The following EREG variants were observed in gnomAD, a reference collection of about 807,000 sequenced individuals.
EREG encodes the protein proepiregulin.
A neutral mutation model predicts 22.4 loss-of-function variants in EREG; 23 were observed. The observed-to-expected ratio is 1.03, with a 90% CI of 0.74 to 1.46. The LOEUF (loss-of-function observed/expected upper bound fraction) is 1.46. Ranked by LOEUF, EREG falls within the 40% of genes most tolerant of loss-of-function variation. The pLI is 0.00. For missense variants in EREG, 226 were observed against 205.9 expected, an observed-to-expected ratio of 1.10 and a Z score of -0.60; for synonymous variants, 100 against 75.4, an observed-to-expected ratio of 1.33 and a Z score of -1.69.
intron 1 of EREG, among the ~76,000 whole-genome samples, chr4:74,374,607 A>G (rs568786601): frequency 6.6e-6 from 1 of 152,336 alleles, no homozygotes; most frequent in South Asian, 2.1e-4. Context: ...TACATTTTCT[A>G]CATCTGGCAT....
At position 74,384,781 on chromosome 4, in the gene EREG, A is replaced by G. The variant is rs1433470683; in HGVS notation, c.483A>G (p.Ser161=). 4 of 1,613,246 alleles carry G rather than the reference A, an allele frequency of 2.5e-6. No individual in the cohort carries two copies. Among genetic ancestry groups the G allele is most frequent in the Non-Finnish European group, 3.4e-6 (4 of 1,179,270 alleles). The change falls in exon 5 of 5, where the codon TCA becomes TCG. Residue 161 remains serine, a synonymous_variant. Transcript: ENST00000244869. Reference sequence around the variant, plus strand: ...AGAAGGAATATGAGAGAGTTACCTCAGGGGATCCAGAGTTGCCGCAAGTCT... The same window carrying G: ...AGAAGGAATATGAGAGAGTTACCTCGGGGGATCCAGAGTTGCCGCAAGTCT... ...EPKKEYERVT[S]GDPELPQV
rs9994632 is a variant in EREG, at chr4:74,366,948, C to T, written c.67+1573C>T. ...TCAAGTTCTGTATTATATCTCTAAA[C>T]TCTATTCAGTTATGCAGAGCCCATA... On this transcript the variant is annotated intron_variant, in intron 1 of 4. Coordinates refer to ENST00000244869, the MANE Select transcript of EREG (RefSeq NM_001432.3). Among the ~76,000 whole-genome samples, 721 of 152,308 alleles carry T rather than the reference C, an allele frequency of 4.7e-3. 2 individuals carry two copies. Among genetic ancestry groups the T allele is most frequent in the African/African-American group, 0.016 (657 of 41,574 alleles).
chr4:74,378,884 C>A (rs948144262), intron 1 of EREG, among the ~76,000 whole-genome samples: 1 of 152,160 alleles, frequency 6.6e-6, no homozygotes, highest in Non-Finnish European at 1.5e-5. Flanking sequence ...GATGCCTGTT[C>A]CTCCTCATAT....
intron 1 of EREG, among the ~76,000 whole-genome samples, chr4:74,365,646 T>A (rs1158089852): frequency 6.9e-6 from 1 of 144,024 alleles, no homozygotes. Context: ...TTAAACAAAA[T>A]AAAAAGTTGT....
At chr4:74,372,594 T>A (rs372162762) in intron 1 of EREG, among the ~76,000 whole-genome samples, 1 of 152,110 alleles carries the variant, frequency 6.6e-6, no homozygotes, top group Admixed American at 6.5e-5. Context: ...TTTATAGAAG[T>A]GAGAAGCCCG....
chr4:74,368,087 T>A (rs1490489513), intron 1 of EREG, among the ~76,000 whole-genome samples: 1 of 152,114 alleles, frequency 6.6e-6, no homozygotes, highest in Non-Finnish European at 1.5e-5. Flanking sequence ...AAAGAGCCAA[T>A]GAGATTCAGG....
intron 4 of EREG, among the ~76,000 whole-genome samples, chr4:74,384,161 T>A (rs2110390179): frequency 6.6e-6 from 1 of 152,316 alleles, no homozygotes; most frequent in Non-Finnish European, 1.5e-5. Context: ...GCACATTATA[T>A]ACAACCCATT....
At chr4:74,382,012 A>AATTGATTC (rs1752485613) in intron 3 of EREG, 2 of 149,332 alleles carry the variant, frequency 1.3e-5, no homozygotes, top group Non-Finnish European at 2.9e-5. Context: ...AAAAAAAAAG[A>AATTGATTC]ATTGATTCCA....
At position 74,371,673 on chromosome 4, in the gene EREG, AT is replaced by A; in HGVS notation, c.67+6299del. On this transcript the variant is annotated intron_variant, in intron 1 of 4. Transcript: ENST00000244869. ...ATGACTTTCAAATAGACTTCTCCTA[AT>A]CTCCAAATAAATTCTTATTCCTTTA... Among the ~76,000 whole-genome samples, 5 of 152,204 alleles carry A rather than the reference AT, an allele frequency of 3.3e-5. No homozygotes were observed. In the South Asian group the frequency reaches 1.0e-3, roughly 32 times the overall value.
At chr4:74,383,187 G>A (rs577631238) in intron 4 of EREG, among the ~76,000 whole-genome samples, 3 of 151,968 alleles carry the variant, frequency 2.0e-5, no homozygotes, top group Non-Finnish European at 4.4e-5. Context: ...TATCAAATAT[G>A]GACAGAAATT....
At chr4:74,378,177 C>T (rs1356073222) in intron 1 of EREG, among the ~76,000 whole-genome samples, 2 of 152,154 alleles carry the variant, frequency 1.3e-5, no homozygotes, top group Non-Finnish European at 2.9e-5. Flanking sequence ...TCTGGCATGC[C>T]TATTCCTTCT....
chr4:74,373,535 A>G (rs540572454), intron 1 of EREG, among the ~76,000 whole-genome samples: 2 of 151,128 alleles, frequency 1.3e-5, no homozygotes, highest in Non-Finnish European at 3.0e-5. Context: ...CAAAGCTAAC[A>G]TTAAAAATAT....
intron 1 of EREG, among the ~76,000 whole-genome samples, chr4:74,379,017 G>A (rs1486207722): frequency 6.6e-6 from 1 of 152,168 alleles, no homozygotes; most frequent in African/African-American, 2.4e-5. Context: ...TTCTTAGGTT[G>A]AGTTTCTTGT....
intron 1 of EREG, among the ~76,000 whole-genome samples, chr4:74,374,354 G>T (rs150355519): frequency 1.7e-4 from 26 of 152,122 alleles, no homozygotes; most frequent in African/African-American, 6.3e-4. Context: ...CCTCCTTCTG[G>T]ATGAGCCCTC....
chr4:74,376,548 A>T (rs541790223), intron 1 of EREG, among the ~76,000 whole-genome samples: 3 of 152,362 alleles, frequency 2.0e-5, no homozygotes, highest in African/African-American at 7.2e-5. Flanking sequence ...AAGCTTAGTG[A>T]AATAGTTTTC....
chr4:74,385,929 T>C lies in EREG; in HGVS notation c.*1121T>C. 2.5e-6 allele frequency: 1 copy of C among 394,654 alleles called. No individual in the cohort carries two copies. Among genetic ancestry groups the C allele is most frequent in the Non-Finnish European group, 4.5e-6 (1 of 223,422 alleles). The allele number at this position is 394,654 out of a possible 1,614,324, so 24.4% of individuals were successfully genotyped here. A position where few individuals can be genotyped will look rare whatever the true frequency, so the allele number is the denominator to read the frequency against. On this transcript the variant is annotated 3_prime_UTR_variant, in exon 5 of 5. Coordinates refer to ENST00000244869, the MANE Select transcript of EREG (RefSeq NM_001432.3). The stretch of plus-strand genomic sequence containing the variant: ...AGGAAATGGGAAAAAACTTAAAAAT[T>C]AATATGGTGTATTTTTCCAAATGAA...
chr4:74,370,010 T>A (rs1303800111), intron 1 of EREG, among the ~76,000 whole-genome samples: 2 of 152,220 alleles, frequency 1.3e-5, no homozygotes, highest in East Asian at 3.8e-4. Flanking sequence ...GTTGTTATTG[T>A]TCCCGTTTTA....
In EREG at chr4:74,365,302, A is replaced by C; in HGVS notation, c.-7A>C. Reference sequence around the variant, plus strand: ...CCGCCAAGCCCCAGCGCCCGCTCCCATCGCCGATGACCGCGGGGAGGAGGA... The same window carrying C: ...CCGCCAAGCCCCAGCGCCCGCTCCCCTCGCCGATGACCGCGGGGAGGAGGA... On this transcript the variant is annotated 5_prime_UTR_variant, in exon 1 of 5. Transcript: ENST00000244869. 2 of 1,602,636 alleles carry C rather than the reference A, an allele frequency of 1.2e-6. No individual in the cohort carries two copies. Among genetic ancestry groups the C allele is most frequent in the South Asian group, 1.1e-5 (1 of 90,984 alleles).
chr4:74,379,672 ATAAAC>A (rs1245711119), intron 2 of EREG, 138 bp downstream of exon 2: 12 of 535,022 alleles, frequency 2.2e-5, no homozygotes, highest in Non-Finnish European at 4.1e-5. Context: ...AAATCACCAT[ATAAAC>A]TAATGTTCTG....
Sources: allele counts gnomAD v4.1 joint callset (sites outside exome capture counted in the v4.1 genomes callset), GRCh38; gene constraint gnomAD v4.1.1; transcripts MANE v1.5; gene names NCBI Gene and HGNC (gene_info 2026-07-23, HGNC 2026-07-21).